The following HDAC8 variants were observed in gnomAD, a reference collection of about 807,000 sequenced individuals.
HDAC8 encodes the protein histone deacetylase 8.
In HDAC8, 1 loss-of-function variant was observed where a neutral mutation model predicts 32.2. That is an observed-to-expected ratio of 0.03 (90% CI 0.01 to 0.15). HDAC8 has a LOEUF of 0.15. HDAC8 is among the 10% of genes least tolerant of loss of function. HDAC8 has a pLI of 1.00. For missense variants in HDAC8, 117 were observed against 300.0 expected, an observed-to-expected ratio of 0.39 and a Z score of 4.51; for synonymous variants, 108 against 113.9, an observed-to-expected ratio of 0.95 and a Z score of 0.33.
chrX:72,430,383 C>T (rs782780688), intron 9 of HDAC8, among the ~76,000 whole-genome samples: 14 of 112,583 alleles, frequency 1.2e-4, no homozygotes, highest in Non-Finnish European at 1.9e-4. Flanking sequence ...TTCTTGTGAA[C>T]CTATTGCTCC....
At chrX:72,450,335 C>T (rs1044901432) in intron 9 of HDAC8, among the ~76,000 whole-genome samples, 8 of 112,106 alleles carry the variant, frequency 7.1e-5, no homozygotes, top group African/African-American at 2.3e-4. Context: ...TGTATCCTGA[C>T]GACGGTAGTA....
chrX:72,421,180 A>G (rs975073662), intron 9 of HDAC8, among the ~76,000 whole-genome samples: 3 of 111,129 alleles, frequency 2.7e-5, no homozygotes, highest in African/African-American at 9.8e-5. Flanking sequence ...GCTTATTACA[A>G]TCTAGTTTGA....
At chrX:72,344,466 C>A (rs1436176320) in intron 10 of HDAC8, among the ~76,000 whole-genome samples, 3 of 111,830 alleles carry the variant, frequency 2.7e-5, no homozygotes, top group Non-Finnish European at 5.6e-5. Flanking sequence ...CACTTTGTAT[C>A]CTGTTCATAT....
At chrX:72,331,674 A>G (rs933791487) in intron 10 of HDAC8, among the ~76,000 whole-genome samples, 2 of 111,279 alleles carry the variant, frequency 1.8e-5, no homozygotes, top group African/African-American at 3.3e-5. Flanking sequence ...ACCCTTCCCC[A>G]GGTTTCCCCA....
intron 4 of HDAC8, among the ~76,000 whole-genome samples, chrX:72,547,274 C>A (rs1344288619): frequency 1.8e-5 from 2 of 110,177 alleles, no homozygotes; most frequent in Admixed American, 2.0e-4. Context: ...TCCTTAAGCT[C>A]TTCTGCCCCC....
At chrX:72,400,609 T>C (rs2045876686) in intron 9 of HDAC8, among the ~76,000 whole-genome samples, 1 of 112,296 alleles carries the variant, frequency 8.9e-6, no homozygotes, top group Non-Finnish European at 1.9e-5. Context: ...ACTACCATCT[T>C]TTAAAAAATA....
intron 9 of HDAC8, among the ~76,000 whole-genome samples, chrX:72,385,896 C>T (rs1299623179): frequency 8.9e-6 from 1 of 112,094 alleles, no homozygotes; most frequent in African/African-American, 3.2e-5. Context: ...ACTCTACCGC[C>T]TCTGCCAGGT....
intron 9 of HDAC8, among the ~76,000 whole-genome samples, chrX:72,366,495 G>A (rs782488241): frequency 4.5e-5 from 5 of 112,240 alleles, no homozygotes; most frequent in African/African-American, 9.7e-5. Context: ...CCTCCTCTGT[G>A]TTCCCACAGC....
intron 9 of HDAC8, among the ~76,000 whole-genome samples, chrX:72,363,928 C>T (rs1308348825): frequency 9.0e-6 from 1 of 111,728 alleles, no homozygotes; most frequent in East Asian, 2.8e-4. Flanking sequence ...CTTGACAACT[C>T]GGATCAATTG....
At chrX:72,446,336 C>T (rs2047394503) in intron 9 of HDAC8, among the ~76,000 whole-genome samples, 1 of 111,843 alleles carries the variant, frequency 8.9e-6, no homozygotes, top group Non-Finnish European at 1.9e-5. Flanking sequence ...ACATATACAC[C>T]ATGGAATACT....
intron 9 of HDAC8, among the ~76,000 whole-genome samples, chrX:72,364,806 C>T (rs782367423): frequency 3.1e-4 from 35 of 111,531 alleles, no homozygotes; most frequent in Non-Finnish European, 3.6e-4. Flanking sequence ...TGCACTTGTA[C>T]CCTCTAAATA....
intron 4 of HDAC8, among the ~76,000 whole-genome samples, chrX:72,546,437 A>G (rs1170333497): frequency 9.0e-6 from 1 of 110,828 alleles, no homozygotes; most frequent in African/African-American, 3.3e-5. Flanking sequence ...TATCAGTAAG[A>G]TGAAGGAAGA....
chrX:72,374,832 G>T (rs2045010752), intron 9 of HDAC8, among the ~76,000 whole-genome samples: 1 of 100,210 alleles, frequency 1.0e-5, no homozygotes, highest in Non-Finnish European at 2.0e-5. Flanking sequence ...TTTGGAGACA[G>T]GGTCTCACTT....
Position 72,568,779 on chromosome X carries a change from A to G in HDAC8, c.270T>C (p.His90=). ...QKVSQEGDDD[H]PDSIEYGLGY... ...CTAGCCCATATTCTATGGAGTCCGG[A>G]TGATCATCATCGCCCTCTTGGCTGA... is the stretch of plus-strand genomic sequence containing the variant. The change falls in exon 3 of 11, where the codon CAT becomes CAC. Residue 90 remains histidine, a synonymous_variant. Coordinates refer to ENST00000373573, the MANE Select transcript of HDAC8 (RefSeq NM_018486.3). 1 of 1,211,952 alleles carries G rather than the reference A, an allele frequency of 8.3e-7. No homozygotes were observed. Among genetic ancestry groups the G allele is most frequent in the South Asian group, 1.8e-5 (1 of 56,981 alleles).
chrX:72,532,583 C>T (rs976550756), intron 4 of HDAC8, among the ~76,000 whole-genome samples: 2 of 107,944 alleles, frequency 1.9e-5, no homozygotes, highest in East Asian at 2.9e-4. Flanking sequence ...TGGGCTCAAG[C>T]GATCCTCCTC....
chrX:72,469,351 A>AT (rs1233858266), intron 7 of HDAC8, among the ~76,000 whole-genome samples: 2 of 110,042 alleles, frequency 1.8e-5, no homozygotes, highest in East Asian at 5.7e-4. Context: ...CTAATTTTTA[A>AT]TTTTTTTTGT....
rs782144834 is a variant in HDAC8, at chrX:72,462,052, G to T, written c.957C>A (p.Thr319=). 1 of 1,209,697 alleles carries T rather than the reference G, an allele frequency of 8.3e-7. No homozygotes were observed. The highest frequency in any genetic ancestry group is 1.8e-5 in the South Asian group (1 of 56,869). ...ATAGTGTTTTCCCTAGGATGACCCC[G>T]GTCAAGTATGTCCAGCATCGAGCCG... ...ANTARCWTYL[T]GVILGKTLSS... The change falls in exon 9 of 11, where the codon ACC becomes ACA. Residue 319 remains threonine (T), a synonymous_variant. Coordinates refer to ENST00000373573, the MANE Select transcript of HDAC8 (RefSeq NM_018486.3).
intron 7 of HDAC8, among the ~76,000 whole-genome samples, chrX:72,472,062 TA>T (rs2048193922): frequency 9.1e-6 from 1 of 110,136 alleles, no homozygotes; most frequent in African/African-American, 3.3e-5. Flanking sequence ...TTTTTTATTT[TA>T]TTTTATTTAT....
intron 9 of HDAC8, among the ~76,000 whole-genome samples, chrX:72,442,717 T>C (rs1267056669): frequency 9.0e-6 from 1 of 111,695 alleles, no homozygotes; most frequent in East Asian, 2.8e-4. Context: ...GACTCAATGC[T>C]CCAATTAAAA....
Sources: gnomAD v4.1 joint callset for allele counts (sites outside exome capture counted in the v4.1 genomes callset) on GRCh38, gnomAD v4.1.1 for gene constraint, MANE v1.5 for transcripts, NCBI Gene and HGNC (gene_info 2026-07-23, HGNC 2026-07-21) for gene names.